The following ETFA variants were observed in gnomAD, a reference collection of about 807,000 sequenced individuals.
The protein encoded by ETFA is electron transfer flavoprotein subunit alpha, mitochondrial.
A neutral mutation model predicts 46.2 loss-of-function variants in ETFA; 22 were observed. That is an observed-to-expected ratio of 0.48 (90% confidence interval 0.34 to 0.68). The LOEUF (loss-of-function observed/expected upper bound fraction) is 0.68. Among genes scored for constraint, ETFA ranks in the 30% least tolerant of loss-of-function variants. The pLI, the probability that ETFA is intolerant of heterozygous loss-of-function variation, is 0.01. For missense variants in ETFA, 345 were observed against 401.1 expected (o/e 0.86, Z 1.19); for synonymous variants, 131 against 139.9 (o/e 0.94, Z 0.45).
At chr15:76,293,411 C>T (rs1489382686) in intron 2 of ETFA, among the ~76,000 whole-genome samples, 1 of 152,152 alleles carries the variant, frequency 6.6e-6, no homozygotes, top group African/African-American at 2.4e-5. Flanking sequence ...TAGTAACATC[C>T]CATTGTCAAC....
intron 9 of ETFA, among the ~76,000 whole-genome samples, chr15:76,249,698 C>T (rs796727210): frequency 3.3e-5 from 5 of 152,192 alleles, no homozygotes; most frequent in African/African-American, 1.2e-4. Context: ...GCCTCGGCCT[C>T]CCAAAGTGCT....
chr15:76,269,268 G>C (rs935482074), intron 9 of ETFA, among the ~76,000 whole-genome samples: 9 of 152,318 alleles, frequency 5.9e-5, no homozygotes, highest in African/African-American at 1.9e-4. Flanking sequence ...GAGAAACTGA[G>C]GCAGGGCTTG....
intron 5 of ETFA, among the ~76,000 whole-genome samples, chr15:76,287,422 C>T (rs985241787): frequency 1.3e-5 from 2 of 152,198 alleles, no homozygotes; most frequent in Non-Finnish European, 2.9e-5. Flanking sequence ...CCCACCTCAG[C>T]CTGCCAAAGT....
intron 2 of ETFA, among the ~76,000 whole-genome samples, chr15:76,295,383 T>TA (rs1397234370): frequency 1.3e-5 from 2 of 152,228 alleles, no homozygotes; most frequent in Admixed American, 1.3e-4. Flanking sequence ...CTAAATCAAG[T>TA]ATTCTACTGC....
intron 9 of ETFA, chr15:76,259,202 C>T: frequency 1.3e-6 from 2 of 1,530,516 alleles, no homozygotes; most frequent in Non-Finnish European, 1.8e-6. Context: ...TAGGCAGCTC[C>T]AGGCTGCCTC....
At chr15:76,274,667 A>C (rs1024268854) in intron 8 of ETFA, among the ~76,000 whole-genome samples, 173 bp from the exon 9 acceptor site, 4 of 152,292 alleles carry the variant, frequency 2.6e-5, no homozygotes, top group Admixed American at 2.6e-4. Context: ...TCAGATTTTA[A>C]TTTGGGCTTA....
At chr15:76,262,707 C>T (rs2039429609) in intron 9 of ETFA, among the ~76,000 whole-genome samples, 1 of 152,048 alleles carries the variant, frequency 6.6e-6, no homozygotes, top group South Asian at 2.1e-4. Context: ...TGGTCTCGAT[C>T]TCCTGACCTG....
At chr15:76,289,824 T>A (rs1485685619) in intron 4 of ETFA, among the ~76,000 whole-genome samples, 1 of 152,192 alleles carries the variant, frequency 6.6e-6, no homozygotes, top group Non-Finnish European at 1.5e-5. Context: ...CAGCTACTAT[T>A]ATGTGACCCT....
In ETFA at chr15:76,286,294, G is replaced by A. The variant is rs2039703874; in HGVS notation, c.562+77C>T. ...CTATTCATTAGAAATGTAGGCAGAGGTCATCTCTTATTATAATACAGTCTA... is the reference window on the plus strand; with the variant it reads ...CTATTCATTAGAAATGTAGGCAGAGATCATCTCTTATTATAATACAGTCTA... On this transcript the variant is annotated intron_variant, in intron 6 of 11. Coordinates refer to ENST00000557943, the MANE Select transcript of ETFA (RefSeq NM_000126.4). 13 of 743,862 alleles carry A rather than the reference G, an allele frequency of 1.7e-5. No homozygotes were observed. In the South Asian group the frequency reaches 2.3e-4, roughly 13 times the overall value. The allele number at this position is 743,862 out of a possible 1,614,324, so 46.1% of individuals were successfully genotyped here. A position where few individuals can be genotyped will look rare whatever the true frequency, so the allele number is the denominator to read the frequency against.
At chr15:76,259,040 C>T (rs1311046325) in intron 9 of ETFA, 1 of 1,606,602 alleles carries the variant, frequency 6.2e-7, no homozygotes, top group African/African-American at 1.3e-5. Flanking sequence ...GCCTCTGTGT[C>T]TCATTGAGGG....
rs1198188366 is a variant in ETFA at position 76,228,066 on chromosome 15, C to T, written c.883-2137G>A. The T allele has an allele frequency of 2.1e-5, 9 of 429,528 alleles. 1 individual carries two copies. Among genetic ancestry groups the T allele is most frequent in the South Asian group, 8.4e-5 (5 of 59,652 alleles). 26.6% of individuals were successfully genotyped at this position (429,528 alleles called of 1,614,324 possible). The stretch of plus-strand genomic sequence containing the variant: ...TTTTGGGAATGTGTAACCTGCTTCA[C>T]GGCGATAAGCAGAGATTTGTTTAGT... On this transcript the variant is annotated intron_variant, in intron 10 of 11. Transcript: ENST00000557943.
intron 9 of ETFA, among the ~76,000 whole-genome samples, chr15:76,233,718 C>T (rs1009754164): frequency 1.1e-4 from 17 of 152,154 alleles, no homozygotes; most frequent in African/African-American, 4.8e-5. Flanking sequence ...TCAAAATATA[C>T]TAACATTCAT....
chr15:76,259,154 AC>A, intron 9 of ETFA: 1 of 1,506,606 alleles, frequency 6.6e-7, no homozygotes, highest in Non-Finnish European at 9.2e-7. Flanking sequence ...TCCCCATGCC[AC>A]TGCCATCCCC....
chr15:76,266,626 G>T (rs536102799), intron 9 of ETFA, among the ~76,000 whole-genome samples: 3 of 152,154 alleles, frequency 2.0e-5, no homozygotes, highest in Non-Finnish European at 4.4e-5. Flanking sequence ...AAATTTGGCC[G>T]GGTGCGGTGA....
intron 1 of ETFA, among the ~76,000 whole-genome samples, chr15:76,308,380 C>A (rs1719237935): frequency 6.6e-6 from 1 of 152,090 alleles, no homozygotes; most frequent in Non-Finnish European, 1.5e-5. Flanking sequence ...ACCTGGCAAA[C>A]AACACTTTGG....
Position 76,263,369 on chromosome 15 carries a change from C to T in ETFA, c.816+11043G>A, listed in dbSNP as rs562563569. Among the ~76,000 whole-genome samples the T allele has an allele frequency of 6.4e-4, 97 of 152,328 alleles. 1 individual carries two copies. The highest frequency in any genetic ancestry group is 1.5e-3 in the South Asian group (7 of 4,824). ...GGCGACAAAGACCACAGTGAAGGAA[C>T]GCTAGAGCATGTGAAAGCGGAGGAT... On this transcript the variant is annotated intron_variant, in intron 9 of 11. Coordinates refer to ENST00000557943, the MANE Select transcript of ETFA (RefSeq NM_000126.4).
chr15:76,291,449 A>AG (rs1239036189), intron 4 of ETFA, among the ~76,000 whole-genome samples: 1,586 of 149,310 alleles, frequency 0.011, 35 homozygotes, highest in African/African-American at 0.038. Context: ...CCATCTCGAA[A>AG]AAAAAAAAAA....
At chr15:76,265,792 T>C (rs1001690975) in intron 9 of ETFA, among the ~76,000 whole-genome samples, 1 of 152,120 alleles carries the variant, frequency 6.6e-6, no homozygotes, top group African/African-American at 2.4e-5. Context: ...TGATGAAAAA[T>C]ATGGGATATT....
intron 9 of ETFA, chr15:76,260,716 C>A (rs2039401530): frequency 4.4e-6 from 7 of 1,605,604 alleles, no homozygotes; most frequent in Non-Finnish European, 8.5e-7. Flanking sequence ...GTGTGGATGG[C>A]ATGGAGGTTT....
Sources: gnomAD v4.1 joint callset for allele counts (sites outside exome capture counted in the v4.1 genomes callset) on GRCh38, gnomAD v4.1.1 for gene constraint, MANE v1.5 for transcripts, NCBI Gene and HGNC (gene_info 2026-07-23, HGNC 2026-07-21) for gene names.